VAV3: variants seen among roughly 807,000 people sequenced by gnomAD.
VAV3 encodes the protein vav guanine nucleotide exchange factor 3.
Under a neutral mutation model 131.2 loss-of-function variants are expected in VAV3, and 94 were observed. That is an observed-to-expected ratio of 0.72 (90% confidence interval 0.61 to 0.85). The LOEUF is 0.85. VAV3 is among the 40% of genes least tolerant of loss of function. The pLI, the probability that VAV3 is intolerant of heterozygous loss-of-function variation, is 0.00. For missense variants in VAV3, 939 were observed against 1,002.7 expected (o/e 0.94, Z 0.86); for synonymous variants, 349 against 342.0 (o/e 1.02, Z -0.22).
chr1:107,721,610 C>T (rs1181974692), intron 15 of VAV3, among the ~76,000 whole-genome samples: 1 of 152,140 alleles, frequency 6.6e-6, no homozygotes, highest in East Asian at 1.9e-4. Flanking sequence ...AACCCAACAG[C>T]AGATGGGTAG....
chr1:107,649,130 G>C (rs1413438217), intron 19 of VAV3, among the ~76,000 whole-genome samples: 1 of 152,074 alleles, frequency 6.6e-6, no homozygotes, highest in Non-Finnish European at 1.5e-5. Flanking sequence ...TGACACGTCT[G>C]TATGCAGCTC....
chr1:107,712,473 T>C (rs897479457), intron 15 of VAV3, among the ~76,000 whole-genome samples: 1 of 152,048 alleles, frequency 6.6e-6, no homozygotes, highest in African/African-American at 2.4e-5. Flanking sequence ...TTGTAAAGAG[T>C]ATATGGGAAG....
intron 2 of VAV3, among the ~76,000 whole-genome samples, chr1:107,805,918 C>T (rs888169683): frequency 1.3e-5 from 2 of 152,144 alleles, no homozygotes; most frequent in African/African-American, 4.8e-5. Context: ...TAGTGTGCTA[C>T]TAGTCCCAAA....
chr1:107,624,639 G>A (rs1653870705), intron 20 of VAV3, among the ~76,000 whole-genome samples: 1 of 152,028 alleles, frequency 6.6e-6, no homozygotes, highest in Non-Finnish European at 1.5e-5. Context: ...ACAAATGAAT[G>A]TTTTTCTATC....
intron 1 of VAV3, among the ~76,000 whole-genome samples, chr1:107,879,217 T>A (rs745361807): frequency 1.2e-4 from 18 of 152,170 alleles, no homozygotes; most frequent in Non-Finnish European, 2.6e-4. Flanking sequence ...TTTCTCCAAA[T>A]AAGTCTTATT....
At position 107,757,275 on chromosome 1, in the gene VAV3, G is replaced by C; in HGVS notation, c.1072C>G (p.Leu358Val). 6.2e-7 allele frequency: 1 copy of C among 1,613,210 alleles called. No individual in the cohort carries two copies. The highest frequency in any genetic ancestry group is 8.5e-7 in the Non-Finnish European group (1 of 1,179,732). Residue 358 changes from leucine to valine, a missense_variant, in exon 11 of 27, where the codon CTT (leucine) becomes GTT (valine). Leu to Val is a conservative substitution (Grantham distance 32). Transcript: ENST00000370056. ...PTEKANLKLA[L>V]DAMKDLAQYV... Reference sequence around the variant, plus strand: ...ATCTGCCCTACCTTCATGGCATCAAGAGCCAGTTTCAGATTTGCCTTCTCA... The same window carrying C: ...ATCTGCCCTACCTTCATGGCATCAACAGCCAGTTTCAGATTTGCCTTCTCA...
At chr1:107,754,380 A>G (rs991564499) in intron 12 of VAV3, among the ~76,000 whole-genome samples, 1 of 152,204 alleles carries the variant, frequency 6.6e-6, no homozygotes, top group Non-Finnish European at 1.5e-5. Context: ...GAAAAGAAAG[A>G]GACAGGTTCA....
intron 20 of VAV3, among the ~76,000 whole-genome samples, chr1:107,631,558 T>C (rs1017608362): frequency 4.6e-5 from 7 of 151,802 alleles, no homozygotes; most frequent in African/African-American, 1.4e-4. Flanking sequence ...ACATGTGCCA[T>C]GTTGGTGTGC....
chr1:107,764,926 A>G, intron 9 of VAV3, 150 bp downstream of exon 9: 2 of 554,614 alleles, frequency 3.6e-6, no homozygotes, highest in Non-Finnish European at 6.3e-6. Context: ...CCATATTACT[A>G]TTTTATAGAG....
intron 1 of VAV3, among the ~76,000 whole-genome samples, chr1:107,960,633 C>A (rs1306078758): frequency 1.3e-5 from 2 of 152,264 alleles, no homozygotes; most frequent in Middle Eastern, 3.4e-3. Context: ...GTTTCCCACT[C>A]TTTCCCACAC....
intron 2 of VAV3, among the ~76,000 whole-genome samples, chr1:107,870,235 T>C (rs1442421818): frequency 6.6e-6 from 1 of 152,188 alleles, no homozygotes; most frequent in African/African-American, 2.4e-5. Context: ...GTGGTTGTAC[T>C]AGTTTACATT....
chr1:107,794,229 G>A (rs1315534758), intron 2 of VAV3, among the ~76,000 whole-genome samples: 1 of 152,228 alleles, frequency 6.6e-6, no homozygotes, highest in Non-Finnish European at 1.5e-5. Flanking sequence ...ATCTGGGCTG[G>A]CCCAGGAGTA....
intron 15 of VAV3, among the ~76,000 whole-genome samples, chr1:107,708,441 C>G (rs1349087069): frequency 1.3e-5 from 2 of 152,132 alleles, no homozygotes; most frequent in Non-Finnish European, 2.9e-5. Context: ...CAAATGTTCC[C>G]ATTTCTTTTG....
At chr1:107,675,702 C>A (rs1224284881) in intron 19 of VAV3, among the ~76,000 whole-genome samples, 1 of 152,136 alleles carries the variant, frequency 6.6e-6, no homozygotes, top group African/African-American at 2.4e-5. Context: ...TCTGTCCCCA[C>A]AAAACATGCT....
chr1:107,579,960 C>A (rs1649922818), intron 25 of VAV3, among the ~76,000 whole-genome samples: 1 of 152,204 alleles, frequency 6.6e-6, no homozygotes, highest in African/African-American at 2.4e-5. Context: ...AAAAGTCCAG[C>A]CCAGACCCCT....
intron 1 of VAV3, among the ~76,000 whole-genome samples, chr1:107,885,599 T>A (rs567551173): frequency 1.3e-5 from 2 of 152,174 alleles, no homozygotes; most frequent in Non-Finnish European, 2.9e-5. Context: ...TTTACCTGCC[T>A]ACCCACCTCT....
At chr1:107,729,329 A>G (rs773214213) in intron 15 of VAV3, among the ~76,000 whole-genome samples, 71 of 152,328 alleles carry the variant, frequency 4.7e-4, no homozygotes, top group Admixed American at 9.8e-4. Context: ...CAAAGACTAC[A>G]TAAGGCAAAT....
chr1:107,928,041 C>G (rs530916847), intron 1 of VAV3, among the ~76,000 whole-genome samples: 1 of 152,080 alleles, frequency 6.6e-6, no homozygotes, highest in Non-Finnish European at 1.5e-5. Context: ...TGTCACTCCA[C>G]CCCCAGCTCC....
intron 4 of VAV3, among the ~76,000 whole-genome samples, chr1:107,774,332 G>A (rs1358767832): frequency 6.6e-6 from 1 of 152,148 alleles, no homozygotes; most frequent in Admixed American, 6.5e-5. Flanking sequence ...CTCCCAAAAT[G>A]TTAGGATTAC....
Sources: allele counts gnomAD v4.1 joint callset (sites outside exome capture counted in the v4.1 genomes callset), GRCh38; gene constraint gnomAD v4.1.1; transcripts MANE v1.5; gene names NCBI Gene and HGNC (gene_info 2026-07-23, HGNC 2026-07-21).